The following JAG2 variants were observed in gnomAD, a reference collection of about 807,000 sequenced individuals.
The protein encoded by JAG2 is protein jagged-2.
In JAG2, 46 loss-of-function variants were observed where a neutral mutation model predicts 141.7. The ratio of observed to expected loss-of-function variants is 0.32; its 90% confidence interval spans 0.26 to 0.42. JAG2 has a LOEUF of 0.42. Ranked by LOEUF, JAG2 falls within the 10% of genes least tolerant of loss-of-function variation. JAG2 has a pLI of 1.00. For missense variants in JAG2, 1,500 were observed against 1,817.5 expected, an observed-to-expected ratio of 0.83 and a Z score of 3.18; for synonymous variants, 862 against 763.5, an observed-to-expected ratio of 1.13 and a Z score of -2.13.
At chr14:105,159,431 C>T (rs1319673162) in intron 2 of JAG2, among the ~76,000 whole-genome samples, 8 of 151,936 alleles carry the variant, frequency 5.3e-5, no homozygotes, top group African/African-American at 1.7e-4. Context: ...GCCATGGCCC[C>T]GCCAGGCCAC....
chr14:105,156,058 G>T, intron 3 of JAG2, 69 bp from the exon 4 acceptor site: 2 of 1,575,296 alleles, frequency 1.3e-6, no homozygotes. Flanking sequence ...CAGGAACAAC[G>T]GGGACGGGGC....
rs1888960096 is a variant in JAG2 at position 105,167,643 on chromosome 14, C to T, written c.417+114G>A. 8.6e-7 allele frequency: 1 copy of T among 1,159,052 alleles called. No homozygotes were observed. Among genetic ancestry groups the T allele is most frequent in the African/African-American group, 1.6e-5 (1 of 61,428 alleles). 71.8% of individuals were successfully genotyped at this position (1,159,052 alleles called of 1,614,324 possible). On this transcript the variant is annotated intron_variant, in intron 2 of 25. Coordinates refer to ENST00000331782, the MANE Select transcript of JAG2 (RefSeq NM_002226.5). The surrounding 1 kb of genome is among the most constrained non-coding windows in gnomAD (Gnocchi z 4.8). ...CCCTGCCGGCCCCGCCCCGCCTGGG[C>T]GCGCGCGGCTCGCACGCAGACCCGG... is the stretch of plus-strand genomic sequence containing the variant.
At position 105,142,872 on chromosome 14, in the gene JAG2, G is replaced by A. The variant is rs913514791; in HGVS notation, c.3540C>T (p.Asp1180=). The A allele has an allele frequency of 3.9e-5, 62 of 1,606,514 alleles. 2 individuals are homozygous for A. In the Admixed American group the frequency reaches 3.9e-4, roughly 10 times the overall value. ...GHAAVREDEE[D]EDLGRGEEDS... is the part of the protein sequence containing the mutation. ...CCTCCTCACCGCGGCCCAGATCCTCGTCCTCCTCATCCTCCCTGACGGCCG... is the reference window on the plus strand; with the variant it reads ...CCTCCTCACCGCGGCCCAGATCCTCATCCTCCTCATCCTCCCTGACGGCCG... Residue 1180 remains aspartate, a synonymous_variant, in exon 26 of 26, where the codon GAC becomes GAT. Transcript: ENST00000331782.
At chr14:105,152,518 C>A (rs1490955457) in intron 5 of JAG2, among the ~76,000 whole-genome samples, 2 of 152,200 alleles carry the variant, frequency 1.3e-5, no homozygotes, top group Non-Finnish European at 2.9e-5. Flanking sequence ...GCTGTCCCGT[C>A]ACTCCTCCCT....
Position 105,149,287 on chromosome 14 carries a change from G to A in JAG2, c.1636C>T (p.Arg546Trp), listed in dbSNP as rs755170630. Residue 546 changes from arginine (R) to tryptophan (W), a missense_variant, in exon 13 of 26, where the codon CGG (arginine) becomes TGG (tryptophan). Transcript: ENST00000331782. Reference sequence around the variant, plus strand: ...AGGTTATAGCAGCGAGCGCCGTTCCGGCAGGGGCTTGGCTCACAAAGGTCG... The same window carrying A: ...AGGTTATAGCAGCGAGCGCCGTTCCAGCAGGGGCTTGGCTCACAAAGGTCG... ...DVDLCEPSPC[R>W]NGARCYNLEG... 45 of 1,612,582 alleles carry A rather than the reference G, an allele frequency of 2.8e-5. No individual in the cohort carries two copies. The East Asian group carries it at 3.6e-4, about 13-fold the overall frequency.
At chr14:105,148,893 G>A in intron 14 of JAG2, 35 bp from the exon 15 acceptor site, 1 of 1,591,634 alleles carries the variant, frequency 6.3e-7, no homozygotes, top group Non-Finnish European at 8.5e-7. Context: ...AGGGCCTCAG[G>A]CCAGCCCAGC....
chr14:105,143,618 G>C lies in JAG2; in HGVS notation c.3105C>G (p.Asp1035Glu), dbSNP rs201228243. The change falls in exon 25 of 26, where the codon GAC becomes GAG. Residue 1035 changes from aspartate (D) to glutamate (E), a missense_variant. By Grantham distance (45) the Asp-to-Glu change is conservative. Transcript: ENST00000331782. ...EVAVSFSPARDLPDSSLIQGA... is the reference protein window; with the variant it reads ...EVAVSFSPARELPDSSLIQGA... The stretch of plus-strand genomic sequence containing the variant: ...CCTGGATCAGGCTGCTGTCAGGCAG[G>C]TCCCTGGCAGGGCTGAAGGACTGCG... The C allele has an allele frequency of 6.2e-7, 1 of 1,607,988 alleles. No individual in the cohort carries two copies. Among genetic ancestry groups the C allele is most frequent in the African/African-American group, 1.3e-5 (1 of 74,924 alleles).
At chr14:105,168,204 C>T (rs1888982857) in intron 1 of JAG2, 97 bp from the exon 2 acceptor site, 1 of 1,057,162 alleles carries the variant, frequency 9.5e-7, no homozygotes. Flanking sequence ...GCCCCGCCCC[C>T]ACCCAGCCGC....
At chr14:105,153,222 C>G (rs1205365658) in intron 5 of JAG2, among the ~76,000 whole-genome samples, 1 of 152,234 alleles carries the variant, frequency 6.6e-6, no homozygotes, top group East Asian at 1.9e-4. Flanking sequence ...CCTTCCTGAG[C>G]CGCCCTCAAG....
In JAG2 at chr14:105,167,976, C is replaced by T; in HGVS notation, c.198G>A (p.Glu66=). 6.2e-7 allele frequency: 1 copy of T among 1,603,654 alleles called. No individual in the cohort carries two copies. The highest frequency in any genetic ancestry group is 1.3e-5 in the African/African-American group (1 of 74,456). The part of the protein sequence containing the change: ...TTRAGGCGHD[E]CDTYVRVCLK... ...GGCACACGCGCACGTACGTGTCGCA[C>T]TCGTCGTGGCCGCAGCCCCCCGCGC... Residue 66 remains glutamate, a synonymous_variant, in exon 2 of 26, where the codon GAG becomes GAA. Coordinates refer to ENST00000331782, the MANE Select transcript of JAG2 (RefSeq NM_002226.5). The surrounding 1 kb of genome is among the most constrained non-coding windows in gnomAD (Gnocchi z 4.8).
intron 25 of JAG2, 81 bp from the exon 26 acceptor site, chr14:105,143,251 G>T: frequency 6.8e-7 from 1 of 1,477,140 alleles, no homozygotes; most frequent in East Asian, 2.4e-5. Context: ...GGCCTGGGAG[G>T]GCCCTGCGGG....
At chr14:105,151,509 C>A in intron 8 of JAG2, 113 bp from the exon 9 acceptor site, 2 of 1,340,490 alleles carry the variant, frequency 1.5e-6, no homozygotes, top group South Asian at 1.2e-5. Flanking sequence ...CCTCGCCAAG[C>A]CAGCCGCAGC....
intron 25 of JAG2, 22 bp downstream of exon 25, chr14:105,143,460 G>A: frequency 1.3e-6 from 2 of 1,542,408 alleles, no homozygotes; most frequent in Middle Eastern, 1.8e-4. Context: ...TGCCTTCCCA[G>A]GGGCCCACCT....
Position 105,167,365 on chromosome 14 carries a change from C to T in JAG2, c.417+392G>A, listed in dbSNP as rs1888948086. On this transcript the variant is annotated intron_variant, in intron 2 of 25. Transcript: ENST00000331782. This position sits in a 1 kb window ranked among gnomAD's most constrained non-coding sequence, Gnocchi z 4.8. ...GGCTGGCCACGGGCCCGGGGCGGCT[C>T]AGTCAGGGCCTGCCCTAGACCAGCC... is the stretch of plus-strand genomic sequence containing the variant. Among the ~76,000 whole-genome samples the T allele has an allele frequency of 6.6e-6, 1 of 151,936 alleles. No individual in the cohort carries two copies. Among genetic ancestry groups the T allele is most frequent in the Non-Finnish European group, 1.5e-5 (1 of 67,936 alleles).
Position 105,155,855 on chromosome 14 carries a change from T to C in JAG2, c.610A>G (p.Ser204Gly). 1 of 1,612,574 alleles carries C rather than the reference T, an allele frequency of 6.2e-7. No homozygotes were observed. Among genetic ancestry groups the C allele is most frequent in the Non-Finnish European group, 8.5e-7 (1 of 1,179,834 alleles). ...IRVRCDENYY[S>G]ATCNKFCRPR... ...CGGCAGAACTTGTTGCAAGTGGCGCTGTAGTAGTTCTCGTCGCAGCGCACG... is the reference window on the plus strand; with the variant it reads ...CGGCAGAACTTGTTGCAAGTGGCGCCGTAGTAGTTCTCGTCGCAGCGCACG... Residue 204 changes from serine (S) to glycine (G), a missense_variant, in exon 4 of 26, where the codon AGC becomes GGC. Around this residue, in one of 3 missense-constraint regions of JAG2, gnomAD observed 875 missense variants for 1,202.2 expected, o/e 0.73. Transcript: ENST00000331782.
At chr14:105,144,194 G>C (rs1888154258) in intron 24 of JAG2, among the ~76,000 whole-genome samples, 1 of 148,494 alleles carries the variant, frequency 6.7e-6, no homozygotes, top group Admixed American at 6.7e-5. Flanking sequence ...CACACCCCAG[G>C]GGCACCACAA....
chr14:105,168,413 GC>G lies in JAG2; in HGVS notation c.7del (p.Ala3ArgfsTer32). 1.1e-6 allele frequency: 1 copy of G among 935,988 alleles called. No homozygotes were observed. The highest frequency in any genetic ancestry group is 1.3e-6 in the Non-Finnish European group (1 of 778,752). 58.0% of individuals were successfully genotyped at this position (935,988 alleles called of 1,614,324 possible). On this transcript the variant is annotated frameshift_variant, in exon 1 of 26. Coordinates refer to ENST00000331782, the MANE Select transcript of JAG2 (RefSeq NM_002226.5). LOFTEE classifies it high-confidence loss of function. ...CCGGGGAAGGCGCCCCCGGCCCTGC[GC>G]CCGCATTGCCCCCGCGACCCGCCCG... The part of the protein sequence containing the change: MR[A>X]QGRGRLPRRL...
chr14:105,168,332 G>T, intron 1 of JAG2, 23 bp downstream of exon 1: 3 of 263,498 alleles, frequency 1.1e-5, no homozygotes, highest in Non-Finnish European at 1.8e-5. Flanking sequence ...CGCGACCCCC[G>T]CCGCCCCCGC....
intron 20 of JAG2, 42 bp from the exon 21 acceptor site, chr14:105,146,766 G>A (rs757438322): frequency 7.4e-6 from 11 of 1,485,810 alleles, no homozygotes; most frequent in African/African-American, 2.8e-5. Context: ...TGAGGCCAAC[G>A]CCCACCGCAG....
Sources: allele counts gnomAD v4.1 joint callset (sites outside exome capture counted in the v4.1 genomes callset), GRCh38; gene constraint gnomAD v4.1.1; regional missense constraint gnomAD v4.1.1; non-coding constraint Gnocchi (gnomAD v3.1); transcripts MANE v1.5; gene names NCBI Gene and HGNC (gene_info 2026-07-23, HGNC 2026-07-21).